Variants in ANTXR1 observed in about 807,000 individuals in gnomAD.
ANTXR1 encodes ANTXR cell adhesion molecule 1.
A neutral mutation model predicts 78.1 loss-of-function variants in ANTXR1; 19 were observed. That is an observed-to-expected ratio of 0.24 (90% CI 0.17 to 0.36). The LOEUF (loss-of-function observed/expected upper bound fraction) is 0.36, where lower values mean the gene tolerates loss of function less well. ANTXR1 is among the 10% of genes least tolerant of loss of function. The pLI, the probability that ANTXR1 is intolerant of heterozygous loss-of-function variation, is 1.00. For missense variants in ANTXR1, 518 were observed against 718.6 expected, an observed-to-expected ratio of 0.72 and a Z score of 3.19; for synonymous variants, 273 against 260.5, an observed-to-expected ratio of 1.05 and a Z score of -0.46.
intron 17 of ANTXR1, among the ~76,000 whole-genome samples, chr2:69,232,383 C>A (rs1675641242): frequency 1.3e-5 from 2 of 151,050 alleles, no homozygotes; most frequent in South Asian, 4.2e-4. Flanking sequence ...ACATATACCA[C>A]CAAAAATAAA....
rs1341859760 is a variant in ANTXR1, at chr2:69,072,964, AG to A, written c.413-55del. On this transcript the variant is annotated intron_variant, in intron 5 of 17. Coordinates refer to ENST00000303714, the MANE Select transcript of ANTXR1 (RefSeq NM_032208.3). ...TAAGAGGTTGAATCCTGGGACTGAG[AG>A]GGTGTTTCCTTGGGTGGAGCAGGGT... 28 of 1,478,036 alleles carry A rather than the reference AG, an allele frequency of 1.9e-5. No individual in the cohort carries two copies. In the African/African-American group the frequency reaches 2.8e-4, roughly 15 times the overall value. 91.6% of individuals were successfully genotyped at this position (1,478,036 alleles called of 1,614,324 possible). A position where few individuals can be genotyped will look rare whatever the true frequency, so the allele number is the denominator to read the frequency against.
intron 10 of ANTXR1, 128 bp downstream of exon 10, chr2:69,103,068 C>T (rs773473712): frequency 2.0e-6 from 2 of 1,003,224 alleles, no homozygotes; most frequent in Non-Finnish European, 3.1e-6. Context: ...CTGGAAAGAC[C>T]CCCAGCAAGG....
chr2:69,168,818 C>T (rs1047184137), intron 13 of ANTXR1, among the ~76,000 whole-genome samples: 3 of 152,214 alleles, frequency 2.0e-5, no homozygotes, highest in South Asian at 2.1e-4. Context: ...TTTCCAGAGA[C>T]TTTCACCAGG....
intron 6 of ANTXR1, 147 bp from the exon 7 acceptor site, chr2:69,075,443 G>C: frequency 1.3e-6 from 1 of 778,256 alleles, no homozygotes; most frequent in Non-Finnish European, 2.3e-6. Context: ...GAGCTTCCTG[G>C]GGACAGGGAT....
intron 3 of ANTXR1, among the ~76,000 whole-genome samples, chr2:69,053,058 T>C (rs796331726): frequency 5.3e-5 from 8 of 152,232 alleles, no homozygotes; most frequent in African/African-American, 1.7e-4. Flanking sequence ...GAATTGGTTA[T>C]ATGTGCTCCC....
At chr2:69,029,590 A>T (rs1293034091) in intron 1 of ANTXR1, among the ~76,000 whole-genome samples, 1 of 151,918 alleles carries the variant, frequency 6.6e-6, no homozygotes, top group Non-Finnish European at 1.5e-5. Flanking sequence ...AACAAAAAGG[A>T]AAGTGAGATT....
intron 1 of ANTXR1, among the ~76,000 whole-genome samples, chr2:69,014,726 A>C (rs1670970689): frequency 6.6e-6 from 1 of 152,180 alleles, no homozygotes; most frequent in South Asian, 2.1e-4. Flanking sequence ...GATGGATTTC[A>C]CAGACTGGAA....
chr2:69,049,397 A>G (rs1404843401), intron 3 of ANTXR1, among the ~76,000 whole-genome samples: 1 of 151,970 alleles, frequency 6.6e-6, no homozygotes, highest in Non-Finnish European at 1.5e-5. Context: ...TGCAACCTCC[A>G]TCTCCCAAGT....
intron 16 of ANTXR1, among the ~76,000 whole-genome samples, chr2:69,192,803 A>G (rs1247803600): frequency 6.6e-6 from 1 of 152,152 alleles, no homozygotes; most frequent in African/African-American, 2.4e-5. Context: ...TTTGTCTCTC[A>G]AGCCCAGGCT....
chr2:69,123,557 T>C (rs1274276329), intron 11 of ANTXR1, among the ~76,000 whole-genome samples: 2 of 152,224 alleles, frequency 1.3e-5, no homozygotes, highest in Admixed American at 6.5e-5. Context: ...GGCTGGTTCA[T>C]GGCGAGCCAA....
At chr2:69,018,645 A>G (rs1272760026) in intron 1 of ANTXR1, among the ~76,000 whole-genome samples, 1 of 152,186 alleles carries the variant, frequency 6.6e-6, no homozygotes, top group African/African-American at 2.4e-5. Context: ...TAATTTGAAG[A>G]TAAGAAAACC....
At chr2:69,080,746 G>A (rs930280748) in intron 8 of ANTXR1, among the ~76,000 whole-genome samples, 6 of 152,162 alleles carry the variant, frequency 3.9e-5, no homozygotes, top group Non-Finnish European at 5.9e-5. Flanking sequence ...TAAAAGGGTT[G>A]ACAAAGAACC....
intron 17 of ANTXR1, among the ~76,000 whole-genome samples, chr2:69,220,002 C>A (rs1419347930): frequency 6.6e-6 from 1 of 152,148 alleles, no homozygotes; most frequent in Non-Finnish European, 1.5e-5. Context: ...TCTCAAACTG[C>A]AGACAGTATC....
intron 11 of ANTXR1, among the ~76,000 whole-genome samples, chr2:69,124,153 C>T (rs188099809): frequency 6.6e-6 from 1 of 152,292 alleles, no homozygotes; most frequent in Admixed American, 6.5e-5. Context: ...CACTGAGAGT[C>T]CAGATAACAG....
At chr2:69,035,752 A>G (rs1161376995) in intron 1 of ANTXR1, among the ~76,000 whole-genome samples, 1 of 152,222 alleles carries the variant, frequency 6.6e-6, no homozygotes, top group Admixed American at 6.5e-5. Flanking sequence ...CAAGCCTGTC[A>G]TTGCCTTTTT....
chr2:69,127,880 G>A (rs1453407104), intron 12 of ANTXR1, among the ~76,000 whole-genome samples: 5 of 152,012 alleles, frequency 3.3e-5, no homozygotes, highest in Admixed American at 1.3e-4. Context: ...GGAGGAGGGG[G>A]AACAATCAGG....
chr2:69,111,126 G>A (rs1366191277), intron 10 of ANTXR1, among the ~76,000 whole-genome samples: 1 of 152,144 alleles, frequency 6.6e-6, no homozygotes, highest in East Asian at 1.9e-4. Context: ...AACTATTGAG[G>A]TCTAGAATAC....
chr2:69,216,460 T>C (rs564772463), intron 17 of ANTXR1, among the ~76,000 whole-genome samples: 19 of 152,108 alleles, frequency 1.2e-4, no homozygotes, highest in Non-Finnish European at 2.4e-4. Flanking sequence ...TATACACACA[T>C]ATATACATGC....
chr2:69,098,136 TG>T (rs954082305), intron 9 of ANTXR1, among the ~76,000 whole-genome samples: 8 of 152,184 alleles, frequency 5.3e-5, no homozygotes, highest in African/African-American at 1.7e-4. Flanking sequence ...AGGGAAGTTC[TG>T]GGGGTGACAG....
Sources: allele counts gnomAD v4.1 joint callset (sites outside exome capture counted in the v4.1 genomes callset), GRCh38; gene constraint gnomAD v4.1.1; transcripts MANE v1.5; gene names NCBI Gene and HGNC (gene_info 2026-07-23, HGNC 2026-07-21).